The following PIK3CD variants were observed in gnomAD, a reference collection of about 807,000 sequenced individuals.
PIK3CD encodes phosphatidylinositol 4,5-bisphosphate 3-kinase catalytic subunit delta isoform.
PIK3CD carries 20 observed loss-of-function variants against 122.9 expected under a neutral mutation model. The observed-to-expected ratio is 0.16, with a 90% CI of 0.11 to 0.24. PIK3CD has a LOEUF of 0.24. Ranked by LOEUF, PIK3CD falls within the 10% of genes least tolerant of loss-of-function variation. The pLI is 1.00. For missense variants in PIK3CD, 787 were observed against 1,406.3 expected, an observed-to-expected ratio of 0.56 and a Z score of 7.04; for synonymous variants, 596 against 593.4, an observed-to-expected ratio of 1.00 and a Z score of -0.06.
In PIK3CD at chr1:9,718,684, C is replaced by A; in HGVS notation, c.1021-10C>A. On this transcript the variant is annotated splice_polypyrimidine_tract_variant and intron_variant, in intron 8 of 23. Transcript: ENST00000377346. The surrounding 1 kb of genome is among the most constrained non-coding windows in gnomAD (Gnocchi z 7.2). ...TGCCTCCTCACCCATCATCCCGGCA[C>A]CTTCTACAGCTGGTGGTGCAGGCCG... The A allele has an allele frequency of 6.2e-7, 1 of 1,601,930 alleles. No individual in the cohort carries two copies. Among genetic ancestry groups the A allele is most frequent in the Non-Finnish European group, 8.5e-7 (1 of 1,179,434 alleles).
intron 1 of PIK3CD, among the ~76,000 whole-genome samples, chr1:9,672,029 G>A (rs1374164509): frequency 6.6e-6 from 1 of 152,110 alleles, no homozygotes; most frequent in East Asian, 1.9e-4. Context: ...AGGGGGAGTG[G>A]GTAGGAGATG....
chr1:9,675,385 CAAAAAAAA>C (rs34447888), intron 1 of PIK3CD, among the ~76,000 whole-genome samples: 2 of 59,502 alleles, frequency 3.4e-5, no homozygotes, highest in Non-Finnish European at 7.7e-5. Context: ...GACTCCGTCT[CAAAAAAAA>C]AAAAAAAAAA....
chr1:9,628,899 C>T, the PIK3CD span, among the ~76,000 whole-genome samples: 19 of 152,008 alleles, frequency 1.2e-4, no homozygotes, highest in African/African-American at 4.6e-4. Context: ...CCAGGACCCT[C>T]GGAAGGAAAA....
At position 9,719,862 on chromosome 1, in the gene PIK3CD, G is replaced by T; in HGVS notation, c.1243-59G>T. The stretch of plus-strand genomic sequence containing the variant: ...CGGGTGGGGTGCCTGGGGGAGGGCA[G>T]GGAAGCTGGGTCTGGAGGCCCCTGA... On this transcript the variant is annotated intron_variant, in intron 9 of 23. Transcript: ENST00000377346. This position sits in a 1 kb window ranked among gnomAD's most constrained non-coding sequence, Gnocchi z 5.5. 1 of 1,404,376 alleles carries T rather than the reference G, an allele frequency of 7.1e-7. No individual in the cohort carries two copies. Among genetic ancestry groups the T allele is most frequent in the South Asian group, 1.2e-5 (1 of 86,826 alleles). The allele number at this position is 1,404,376 out of a possible 1,614,324, so 87.0% of individuals were successfully genotyped here.
chr1:9,638,731 C>CAAAA, the PIK3CD span, among the ~76,000 whole-genome samples: 13 of 69,200 alleles, frequency 1.9e-4, no homozygotes, highest in African/African-American at 5.4e-4. Flanking sequence ...GACTCCTTCT[C>CAAAA]AAAAAAAAAA....
chr1:9,662,615 G>A (rs1645041315), intron 1 of PIK3CD: 1 of 152,220 alleles, frequency 6.6e-6, no homozygotes, highest in Non-Finnish European at 1.5e-5. Context: ...AGTCACGAAG[G>A]TATTGAACTT....
chr1:9,698,299 C>T (rs546220952), intron 2 of PIK3CD, among the ~76,000 whole-genome samples: 10 of 152,218 alleles, frequency 6.6e-5, no homozygotes, highest in East Asian at 3.9e-4. Context: ...TGCGCCACCA[C>T]GCCCAACTAA....
the PIK3CD span, among the ~76,000 whole-genome samples, chr1:9,636,528 G>A: frequency 6.6e-6 from 1 of 152,194 alleles, no homozygotes; most frequent in African/African-American, 2.4e-5. Flanking sequence ...GACACCATCA[G>A]TTCCCATGAT....
chr1:9,693,553 A>C (rs1355498894), intron 2 of PIK3CD, among the ~76,000 whole-genome samples: 1 of 151,892 alleles, frequency 6.6e-6, no homozygotes, highest in African/African-American at 2.4e-5. Flanking sequence ...ACCTTTTAAA[A>C]CTTGACTTTT....
At chr1:9,685,360 T>G (rs1645926501) in intron 1 of PIK3CD, among the ~76,000 whole-genome samples, 1 of 151,622 alleles carries the variant, frequency 6.6e-6, no homozygotes, top group Admixed American at 6.6e-5. Flanking sequence ...TATACTTAAT[T>G]TATTTTTTTA....
chr1:9,725,058 A>C (rs777962029), intron 23 of PIK3CD, 122 bp downstream of exon 23: 1 of 1,258,444 alleles, frequency 7.9e-7, no homozygotes, highest in East Asian at 2.5e-5. Flanking sequence ...TGTGTGCCTC[A>C]TGCCGTCCCA....
In PIK3CD at chr1:9,724,114, G is replaced by A. The variant is rs1178426407; in HGVS notation, c.2718+22G>A. The A allele has an allele frequency of 6.2e-7, 1 of 1,614,038 alleles. No individual in the cohort carries two copies. Among genetic ancestry groups the A allele is most frequent in the Non-Finnish European group, 8.5e-7 (1 of 1,180,010 alleles). ...GCAGGTACAGGGGCTGGTGCTGGCG[G>A]CTGCTGTGGGGACTTGGCTTCTGGC... is the stretch of plus-strand genomic sequence containing the variant. On this transcript the variant is annotated intron_variant, in intron 21 of 23. Coordinates refer to ENST00000377346, the MANE Select transcript of PIK3CD (RefSeq NM_005026.5). The surrounding 1 kb of genome is among the most constrained non-coding windows in gnomAD (Gnocchi z 7.3).
chr1:9,727,352 TCTC>T lies in PIK3CD; in HGVS notation c.*311_*313del, dbSNP rs907828684. On this transcript the variant is annotated 3_prime_UTR_variant, in exon 24 of 24. Coordinates refer to ENST00000377346, the MANE Select transcript of PIK3CD (RefSeq NM_005026.5). ...TGGATCTGGGCCCAGCAAAGACTGT[TCTC>T]CTCCCGAGGGAACCTTCTTCCCAGG... is the stretch of plus-strand genomic sequence containing the variant. The T allele has an allele frequency of 1.2e-4, 58 of 470,862 alleles. No individual in the cohort carries two copies. The highest frequency in any genetic ancestry group is 6.6e-4 in the African/African-American group (34 of 51,522). The allele number at this position is 470,862 out of a possible 1,614,324, so 29.2% of individuals were successfully genotyped here. A position where few individuals can be genotyped will look rare whatever the true frequency, so the allele number is the denominator to read the frequency against.
At chr1:9,674,755 G>A (rs1645453176) in intron 1 of PIK3CD, among the ~76,000 whole-genome samples, 1 of 151,740 alleles carries the variant, frequency 6.6e-6, no homozygotes, top group Non-Finnish European at 1.5e-5. Flanking sequence ...AAGCTAGCCG[G>A]ACACTGTGGT....
At chr1:9,642,810 G>A in the PIK3CD span, among the ~76,000 whole-genome samples, 1 of 152,042 alleles carries the variant, frequency 6.6e-6, no homozygotes, top group Non-Finnish European at 1.5e-5. Context: ...AATGCTCTTG[G>A]CCAGGCATGG....
chr1:9,694,680 A>G (rs1646334214), intron 2 of PIK3CD, among the ~76,000 whole-genome samples: 1 of 151,252 alleles, frequency 6.6e-6, no homozygotes, highest in Non-Finnish European at 1.5e-5. Context: ...TGAGATTTAC[A>G]GGCTAAATGT....
rs1647009003 is a variant in PIK3CD at position 9,710,646 on chromosome 1, GAGAGAGAGACACAGATAGAC to G, written c.141+54_141+73del. The G allele has an allele frequency of 6.3e-7, 1 of 1,599,906 alleles. No homozygotes were observed. The highest frequency in any genetic ancestry group is 1.3e-5 in the African/African-American group (1 of 74,518). ...ACCTTGGTGCTCAGAGAGAGAGAGA[GAGAGAGAGACACAGATAGAC>G]AGACAGACAGACAGACAGATGGACA... On this transcript the variant is annotated intron_variant, in intron 3 of 23. Transcript: ENST00000377346. The surrounding 1 kb of genome is among the most constrained non-coding windows in gnomAD (Gnocchi z 4.7).
rs531707508 is a variant in PIK3CD, at chr1:9,700,934, C to T, written c.-33+9363C>T. On this transcript the variant is annotated intron_variant, in intron 2 of 23. Coordinates refer to ENST00000377346, the MANE Select transcript of PIK3CD (RefSeq NM_005026.5). The surrounding 1 kb of genome is among the most constrained non-coding windows in gnomAD (Gnocchi z 5.1). ...AGTATGTCTGGATTCCGTTGCTCTC[C>T]AGTGCTGTCTCCTTCTGGGTCAAGC... Among the ~76,000 whole-genome samples, 4 of 152,256 alleles carry T rather than the reference C, an allele frequency of 2.6e-5. No homozygotes were observed. The highest frequency in any genetic ancestry group is 4.4e-5 in the Non-Finnish European group (3 of 68,020).
At chr1:9,673,461 A>G (rs1179510398) in intron 1 of PIK3CD, among the ~76,000 whole-genome samples, 2 of 151,796 alleles carry the variant, frequency 1.3e-5, no homozygotes, top group South Asian at 2.1e-4. Flanking sequence ...GGTTTTCACT[A>G]TGTTGTTCGG....
Sources: allele counts gnomAD v4.1 joint callset (sites outside exome capture counted in the v4.1 genomes callset), GRCh38; gene constraint gnomAD v4.1.1; non-coding constraint Gnocchi (gnomAD v3.1); transcripts MANE v1.5; gene names NCBI Gene and HGNC (gene_info 2026-07-23, HGNC 2026-07-21).